The following ST7 variants were observed in gnomAD, a reference collection of about 807,000 sequenced individuals.
ST7 encodes suppressor of tumorigenicity 7 protein.
A neutral mutation model predicts 78.7 loss-of-function variants in ST7; 28 were observed. The observed-to-expected ratio is 0.36, with a 90% confidence interval of 0.26 to 0.49. The LOEUF (loss-of-function observed/expected upper bound fraction) is 0.49, where lower values mean the gene tolerates loss of function less well. Among genes scored for constraint, ST7 ranks in the 20% least tolerant of loss-of-function variants. ST7 has a pLI of 0.99. For synonymous variants in ST7, 247 were observed against 249.6 expected (o/e 0.99, Z 0.10); for missense variants, 418 against 696.0 (o/e 0.60, Z 4.49).
chr7:117,172,248 G>T (rs1328837311), intron 10 of ST7, among the ~76,000 whole-genome samples: 1 of 152,132 alleles, frequency 6.6e-6, no homozygotes, highest in Non-Finnish European at 1.5e-5. Flanking sequence ...CCTGGCCATT[G>T]GGTCTTATTT....
In ST7 at chr7:117,138,490, A is replaced by G. The variant is rs762566272; in HGVS notation, c.921A>G (p.Arg307=). ...AAAGAAGGCTAGCAATGTGTGCCAG[A>G]AGACTCGGGAGGACCAGGGAAGCAG... The part of the protein sequence containing the change: ...YIKRRLAMCA[R]RLGRTREAVK... Residue 307 remains arginine (R), a synonymous_variant, in exon 9 of 16, where the codon AGA becomes AGG. Transcript: ENST00000323984. 6.2e-7 allele frequency: 1 copy of G among 1,609,772 alleles called. No individual in the cohort carries two copies. The highest frequency in any genetic ancestry group is 1.1e-5 in the South Asian group (1 of 90,328).
At chr7:117,041,257 T>C (rs748430562) in intron 1 of ST7, among the ~76,000 whole-genome samples, 7 of 152,256 alleles carry the variant, frequency 4.6e-5, no homozygotes, top group Non-Finnish European at 4.4e-5. Flanking sequence ...AATGTAATTC[T>C]AGTAGATGAG....
At chr7:117,226,912 G>A (rs1160657441) in intron 15 of ST7, among the ~76,000 whole-genome samples, 1 of 152,176 alleles carries the variant, frequency 6.6e-6, no homozygotes, top group East Asian at 1.9e-4. Flanking sequence ...TCGTATTCTT[G>A]TGGAACCTTG....
chr7:117,170,018 G>A (rs1419540374), intron 9 of ST7, among the ~76,000 whole-genome samples: 2 of 151,962 alleles, frequency 1.3e-5, no homozygotes, highest in Admixed American at 6.6e-5. Context: ...TTTAACCCGT[G>A]TCACTTTCTA....
intron 1 of ST7, among the ~76,000 whole-genome samples, chr7:117,093,023 T>A (rs906888504): frequency 3.9e-5 from 6 of 152,218 alleles, no homozygotes; most frequent in Non-Finnish European, 7.3e-5. Flanking sequence ...CCATATGGCC[T>A]GTGGCTCAAT....
intron 1 of ST7, chr7:116,966,247 CTTTTTTTTTT>C (rs374887005): frequency 1.7e-5 from 3 of 178,564 alleles, no homozygotes; most frequent in Non-Finnish European, 3.4e-5. Flanking sequence ...TTTTTTCTTT[CTTTTTTTTTT>C]TTTTTTTTTT....
Position 116,963,298 on chromosome 7 carries a change from A to G in ST7, c.151+9607A>G, listed in dbSNP as rs190765172. Among the ~76,000 whole-genome samples the G allele has an allele frequency of 7.8e-3, 1,190 of 152,338 alleles. 8 individuals carry two copies. Among genetic ancestry groups the G allele is most frequent in the Non-Finnish European group, 0.011 (782 of 68,036 alleles). On this transcript the variant is annotated intron_variant, in intron 1 of 15. Transcript: ENST00000323984. ...ATCTGTAAAGGGCTTTGGATTTTCC[A>G]GAAGAGAGAACTTGTAATGAAACTC...
intron 12 of ST7, among the ~76,000 whole-genome samples, chr7:117,201,501 A>G (rs1227235004): frequency 6.7e-6 from 1 of 149,524 alleles, no homozygotes; most frequent in Admixed American, 6.6e-5. Context: ...ATCCTATTTC[A>G]TCTCTCCTCA....
chr7:117,053,322 GC>G (rs1412370574), intron 1 of ST7, among the ~76,000 whole-genome samples: 2 of 152,166 alleles, frequency 1.3e-5, no homozygotes, highest in Non-Finnish European at 2.9e-5. Flanking sequence ...CCATTTCCGG[GC>G]TCTCAACTCT....
chr7:116,986,561 A>T (rs1192521481), intron 1 of ST7, among the ~76,000 whole-genome samples: 1 of 152,186 alleles, frequency 6.6e-6, no homozygotes, highest in African/African-American at 2.4e-5. Context: ...TTTATTATTT[A>T]AAAAAATCAC....
At chr7:116,960,315 A>G (rs1234559840) in intron 1 of ST7, among the ~76,000 whole-genome samples, 1 of 151,846 alleles carries the variant, frequency 6.6e-6, no homozygotes, top group Non-Finnish European at 1.5e-5. Context: ...TCACCCTCCC[A>G]AGTAGCTGGG....
chr7:116,962,977 T>C (rs1238224119), intron 1 of ST7, among the ~76,000 whole-genome samples: 1 of 152,206 alleles, frequency 6.6e-6, no homozygotes, highest in Non-Finnish European at 1.5e-5. Context: ...CATATGAGAC[T>C]GTAAAATGAA....
At chr7:117,062,262 C>G (rs1313040963) in intron 1 of ST7, among the ~76,000 whole-genome samples, 1 of 152,164 alleles carries the variant, frequency 6.6e-6, no homozygotes, top group Non-Finnish European at 1.5e-5. Context: ...TCTCCAAATA[C>G]CATCACATTA....
At chr7:116,958,349 A>G (rs1177899063) in intron 1 of ST7, among the ~76,000 whole-genome samples, 2 of 150,086 alleles carry the variant, frequency 1.3e-5, no homozygotes, top group Non-Finnish European at 3.0e-5. Context: ...CAGATGTAAA[A>G]CTCTTATATT....
intron 6 of ST7, among the ~76,000 whole-genome samples, chr7:117,132,375 T>A (rs1025835226): frequency 6.6e-6 from 1 of 151,582 alleles, no homozygotes; most frequent in Non-Finnish European, 1.5e-5. Context: ...AAAAAAAAAA[T>A]TTTAGAAAAT....
intron 1 of ST7, among the ~76,000 whole-genome samples, chr7:116,989,156 T>TA (rs1277017301): frequency 1.3e-5 from 2 of 152,232 alleles, no homozygotes; most frequent in Non-Finnish European, 2.9e-5. Context: ...GTATTGAATA[T>TA]AAAAATTATT....
At chr7:117,180,812 G>A (rs1460331860) in intron 10 of ST7, among the ~76,000 whole-genome samples, 2 of 152,176 alleles carry the variant, frequency 1.3e-5, no homozygotes, top group East Asian at 1.9e-4. Flanking sequence ...ACTATGCCTG[G>A]CCAATTTTTT....
In ST7 at chr7:117,152,183, A is replaced by AT. The variant is rs1316149594; in HGVS notation, c.963+13652dup. 3.5e-3 allele frequency among the ~76,000 whole-genome samples: 152 copies of AT among 43,360 alleles called. 4 individuals are homozygous for AT. The highest frequency in any genetic ancestry group is 0.027 in the African/African-American group (143 of 5,256). 28.4% of individuals were successfully genotyped at this position (43,360 alleles called of 152,430 possible). ...TGTATTATATATATAAAAACTATAT[A>AT]TATATATATATATATATATATATAT... is the stretch of plus-strand genomic sequence containing the variant. On this transcript the variant is annotated intron_variant, in intron 9 of 15. Coordinates refer to ENST00000323984, the MANE Select transcript of ST7 (RefSeq NM_001369598.1).
chr7:117,049,966 G>T (rs1797687688), intron 1 of ST7, among the ~76,000 whole-genome samples: 1 of 151,966 alleles, frequency 6.6e-6, no homozygotes, highest in Non-Finnish European at 1.5e-5. Flanking sequence ...CTGCACTTTG[G>T]GAGGCCGAGG....
Sources: allele counts gnomAD v4.1 joint callset (sites outside exome capture counted in the v4.1 genomes callset), GRCh38; gene constraint gnomAD v4.1.1; transcripts MANE v1.5; gene names NCBI Gene and HGNC (gene_info 2026-07-23, HGNC 2026-07-21).